CDKN2B-AS1: variants seen among roughly 807,000 people sequenced by gnomAD.
CDKN2B-AS1 encodes CDKN2B antisense RNA 1 (non-protein coding).
intron 4 of CDKN2B-AS1, among the ~76,000 whole-genome samples, chr9:22,084,561 G>T (rs1478035645): frequency 6.6e-6 from 1 of 152,038 alleles, no homozygotes; most frequent in Non-Finnish European, 1.5e-5. Flanking sequence ...CAGAGAAAGG[G>T]GGTGGGCAGG....
chr9:22,038,910 A>C (rs533031198), intron 1 of CDKN2B-AS1, among the ~76,000 whole-genome samples: 31 of 152,218 alleles, frequency 2.0e-4, no homozygotes, highest in African/African-American at 7.5e-4. Context: ...TATTCTAGAA[A>C]TAGTAATTTC....
chr9:22,005,132 G>GTA lies in CDKN2B-AS1; in HGVS notation n.29+9972_29+9973insAT, dbSNP rs1451023418. ...CTAGCATGTGTGTGTGTGTGTGTGTGTGTGTGTGTGAAAGAAAACGTTACA... is the reference window on the plus strand; with the variant it reads ...CTAGCATGTGTGTGTGTGTGTGTGTGTATGTGTGTGTGAAAGAAAACGTTACA... On this transcript the variant is annotated intron_variant and non_coding_transcript_variant, in intron 1 of 4. Transcript: ENST00000650946. The surrounding 1 kb of genome is among the most constrained non-coding windows in gnomAD (Gnocchi z 4.9). 6 of 233,166 alleles carry GTA rather than the reference G, an allele frequency of 2.6e-5. No homozygotes were observed. The highest frequency in any genetic ancestry group is 4.2e-5 in the Non-Finnish European group (5 of 118,172). 14.4% of individuals were successfully genotyped at this position (233,166 alleles called of 1,614,324 possible).
chr9:22,119,659 T>C (rs1340406195), intron 4 of CDKN2B-AS1: 1 of 152,246 alleles, frequency 6.6e-6, no homozygotes, highest in African/African-American at 2.4e-5. Context: ...CTGATAGACT[T>C]GGGAGGTCTG....
chr9:22,070,802 T>A (rs373175973), intron 4 of CDKN2B-AS1, among the ~76,000 whole-genome samples: 15 of 152,198 alleles, frequency 9.9e-5, no homozygotes, highest in African/African-American at 3.6e-4. Flanking sequence ...TAAATTAAGA[T>A]AGACATTAAC....
At chr9:22,033,911 A>G (rs992745420) in intron 1 of CDKN2B-AS1, among the ~76,000 whole-genome samples, 6 of 152,190 alleles carry the variant, frequency 3.9e-5, no homozygotes, top group African/African-American at 1.4e-4. Flanking sequence ...TTTATATTGC[A>G]TTGAGGCTTA....
intron 4 of CDKN2B-AS1, among the ~76,000 whole-genome samples, chr9:22,095,369 T>G (rs1346697756): frequency 6.9e-6 from 1 of 144,278 alleles, no homozygotes; most frequent in African/African-American, 2.9e-5. Context: ...CATTCAGGAG[T>G]GGGTAGTTCA....
intron 1 of CDKN2B-AS1, among the ~76,000 whole-genome samples, chr9:22,019,890 G>T (rs1821945329): frequency 6.6e-6 from 1 of 152,130 alleles, no homozygotes; most frequent in Non-Finnish European, 1.5e-5. Flanking sequence ...TTTAAGTTCA[G>T]GGGTACATGT....
rs35831924 is a variant in CDKN2B-AS1, at chr9:22,122,060, A to ATTT, written n.439-5032_439-5030dup. The stretch of plus-strand genomic sequence containing the variant: ...CTCCAAATCCCTGCCAGCATTTGTT[A>ATTT]TTTTTTTTTTTTTGTCTCTTTGACA... On this transcript the variant is annotated intron_variant and non_coding_transcript_variant, in intron 4 of 4. Transcript: ENST00000650946. Among the ~76,000 whole-genome samples the ATTT allele has an allele frequency of 2.9e-3, 420 of 145,506 alleles. 3 individuals are homozygous for ATTT. The highest frequency in any genetic ancestry group is 3.5e-3 in the Admixed American group (51 of 14,644).
intron 4 of CDKN2B-AS1, among the ~76,000 whole-genome samples, chr9:22,098,419 AT>A (rs11288208): frequency 0.048 from 6,992 of 145,240 alleles, 446 homozygotes; most frequent in African/African-American, 0.15. Flanking sequence ...ATGGGCAAGA[AT>A]TTTTTTTTTT....
chr9:22,089,024 C>T (rs1288286081), intron 4 of CDKN2B-AS1, among the ~76,000 whole-genome samples: 2 of 152,278 alleles, frequency 1.3e-5, no homozygotes, highest in African/African-American at 4.8e-5. Context: ...TTGTTTTTTA[C>T]ATTGTCAACT....
At chr9:22,007,209 A>C (rs1373006937) in intron 1 of CDKN2B-AS1, among the ~76,000 whole-genome samples, 1 of 152,096 alleles carries the variant, frequency 6.6e-6, no homozygotes, top group Non-Finnish European at 1.5e-5. Flanking sequence ...CAAAAAATAA[A>C]AAATTAGCTG....
chr9:22,006,386 G>A lies in CDKN2B-AS1; in HGVS notation n.29+11225G>A. ...CCAGTGCAGAGGTGTTCAGGTCTCTGATGTCTGGTGTTTCTTCATTTGCTG... is the reference window on the plus strand; with the variant it reads ...CCAGTGCAGAGGTGTTCAGGTCTCTAATGTCTGGTGTTTCTTCATTTGCTG... On this transcript the variant is annotated intron_variant and non_coding_transcript_variant, in intron 1 of 4. Coordinates refer to ENST00000650946, the Ensembl canonical transcript of CDKN2B-AS1. The surrounding 1 kb of genome is among the most constrained non-coding windows in gnomAD (Gnocchi z 6.4). 8.6e-7 allele frequency: 1 copy of A among 1,162,500 alleles called. No homozygotes were observed. Among genetic ancestry groups the A allele is most frequent in the Non-Finnish European group, 1.2e-6 (1 of 813,416 alleles). The allele number at this position is 1,162,500 out of a possible 1,614,324, so 72.0% of individuals were successfully genotyped here. A position where few individuals can be genotyped will look rare whatever the true frequency, so the allele number is the denominator to read the frequency against.
chr9:22,041,273 C>G (rs1270760087), intron 1 of CDKN2B-AS1, among the ~76,000 whole-genome samples: 1 of 151,914 alleles, frequency 6.6e-6, no homozygotes, highest in Non-Finnish European at 1.5e-5. Flanking sequence ...ACAGATGTAC[C>G]TGAACCTCTT....
At chr9:22,059,702 G>T (rs1397351199) in intron 4 of CDKN2B-AS1, among the ~76,000 whole-genome samples, 6 of 152,230 alleles carry the variant, frequency 3.9e-5, no homozygotes, top group African/African-American at 1.2e-4. Flanking sequence ...CTTCTGCACT[G>T]CCCTAGCAGA....
rs3217984 is a variant in CDKN2B-AS1 at position 22,005,494 on chromosome 9, G to C, written n.29+10333G>C. The C allele has an allele frequency of 8.7e-3, 2,401 of 274,812 alleles. 21 individuals carry two copies. The highest frequency in any genetic ancestry group is 0.012 in the Non-Finnish European group (1,669 of 143,330). The allele number at this position is 274,812 out of a possible 1,614,324, so 17.0% of individuals were successfully genotyped here. On this transcript the variant is annotated intron_variant and non_coding_transcript_variant, in intron 1 of 4. Transcript: ENST00000650946. This position sits in a 1 kb window ranked among gnomAD's most constrained non-coding sequence, Gnocchi z 4.9. ...TCCTCCACTTTGTCCTCAGTCTTCA[G>C]GTTTTCCTTTCTGCCGCTAGGGCCT...
At chr9:22,008,764 C>T (rs1421831232) in intron 1 of CDKN2B-AS1, 7 of 1,609,696 alleles carry the variant, frequency 4.3e-6, no homozygotes, top group Non-Finnish European at 5.1e-6. Context: ...CGTTCGCGCG[C>T]CCCCTGCCGG....
intron 4 of CDKN2B-AS1, among the ~76,000 whole-genome samples, chr9:22,056,681 A>T (rs1823590662): frequency 6.6e-6 from 1 of 152,004 alleles, no homozygotes; most frequent in Non-Finnish European, 1.5e-5. Context: ...ATGTTAAGTG[A>T]TGTCAGCTTC....
intron 4 of CDKN2B-AS1, among the ~76,000 whole-genome samples, chr9:22,111,838 T>G (rs1366351098): frequency 6.6e-6 from 1 of 152,230 alleles, no homozygotes; most frequent in African/African-American, 2.4e-5. Context: ...ATTAAAAATT[T>G]TAAAGTGTTT....
chr9:22,106,124 C>A (rs1825651158), intron 4 of CDKN2B-AS1, among the ~76,000 whole-genome samples: 1 of 152,050 alleles, frequency 6.6e-6, no homozygotes, highest in African/African-American at 2.4e-5. Flanking sequence ...ACTCTGTCAC[C>A]CAGGCTGGAG....
Sources: allele counts gnomAD v4.1 joint callset (sites outside exome capture counted in the v4.1 genomes callset), GRCh38; gene constraint gnomAD v4.1.1; non-coding constraint Gnocchi (gnomAD v3.1); transcripts MANE v1.5; gene names NCBI Gene and HGNC (gene_info 2026-07-23, HGNC 2026-07-21).